RIPOR3: variants seen among roughly 807,000 people sequenced by gnomAD.
RIPOR3 encodes family with sequence similarity 65 member C.
A neutral mutation model predicts 114.3 loss-of-function variants in RIPOR3; 95 were observed. The observed-to-expected ratio is 0.83, with a 90% CI of 0.70 to 0.99. The LOEUF (loss-of-function observed/expected upper bound fraction) is 0.99. Ranked by LOEUF, RIPOR3 falls within the 50% of genes least tolerant of loss-of-function variation. RIPOR3 has a pLI of 0.00. For missense variants in RIPOR3, 1,252 were observed against 1,266.9 expected (o/e 0.99, Z 0.18); for synonymous variants, 575 against 543.8 (o/e 1.06, Z -0.80).
chr20:50,685,857 T>C (rs1451263922), intron 1 of RIPOR3, among the ~76,000 whole-genome samples: 1 of 150,294 alleles, frequency 6.7e-6, no homozygotes, highest in Non-Finnish European at 1.5e-5. Context: ...CTAGGACTTC[T>C]GTGATGTGGG....
At chr20:50,619,460 A>T (rs1365679805) in intron 3 of RIPOR3, among the ~76,000 whole-genome samples, 1 of 150,410 alleles carries the variant, frequency 6.6e-6, no homozygotes, top group Non-Finnish European at 1.5e-5. Flanking sequence ...AAAAAAAAAA[A>T]TTTGTGGAGT....
intron 1 of RIPOR3, among the ~76,000 whole-genome samples, chr20:50,672,641 C>G: frequency 6.6e-6 from 1 of 152,180 alleles, no homozygotes; most frequent in East Asian, 1.9e-4. Context: ...CTGGGGGCAA[C>G]AGGGACACAG....
intron 1 of RIPOR3, among the ~76,000 whole-genome samples, chr20:50,685,195 C>G (rs2086971983): frequency 6.7e-6 from 1 of 150,158 alleles, no homozygotes; most frequent in Non-Finnish European, 1.5e-5. Flanking sequence ...AAACTGAGCC[C>G]TTCTTGAGAG....
chr20:50,594,247 G>C (rs892105923), intron 17 of RIPOR3, among the ~76,000 whole-genome samples: 4 of 145,638 alleles, frequency 2.7e-5, no homozygotes, highest in African/African-American at 1.0e-4. Flanking sequence ...CAGCACTATA[G>C]CCTGGGCGAC....
intron 20 of RIPOR3, 148 bp downstream of exon 20, chr20:50,589,538 T>G (rs1002491974): frequency 5.1e-5 from 36 of 710,696 alleles, no homozygotes; most frequent in Non-Finnish European, 7.6e-5. Flanking sequence ...TCAGGTGATC[T>G]GCCTGCCTTG....
chr20:50,599,687 G>T (rs571372433), intron 13 of RIPOR3, among the ~76,000 whole-genome samples: 2 of 152,140 alleles, frequency 1.3e-5, no homozygotes, highest in South Asian at 4.1e-4. Flanking sequence ...GCAAAGCATT[G>T]CCTCGCTTGA....
At chr20:50,690,710 T>C (rs1367243273) in intron 1 of RIPOR3, among the ~76,000 whole-genome samples, 1 of 152,148 alleles carries the variant, frequency 6.6e-6, no homozygotes, top group African/African-American at 2.4e-5. Context: ...TCACTTCACT[T>C]CGCCCAGCTG....
intron 1 of RIPOR3, among the ~76,000 whole-genome samples, chr20:50,684,112 ACT>A (rs1369558566): frequency 6.6e-6 from 1 of 152,012 alleles, no homozygotes; most frequent in African/African-American, 2.4e-5. Flanking sequence ...CCTTCAGGAA[ACT>A]CACATTCCAG....
At chr20:50,663,812 G>T (rs1555872174) in intron 1 of RIPOR3, among the ~76,000 whole-genome samples, 1 of 151,998 alleles carries the variant, frequency 6.6e-6, no homozygotes, top group Non-Finnish European at 1.5e-5. Context: ...TCCCCAGAAG[G>T]AAAACACCTC....
chr20:50,686,063 T>C (rs1476263313), intron 1 of RIPOR3, among the ~76,000 whole-genome samples: 2 of 152,068 alleles, frequency 1.3e-5, no homozygotes, highest in South Asian at 2.1e-4. Flanking sequence ...GGCTCTTTCT[T>C]TGTTTTTTTT....
At chr20:50,588,550 T>C (rs1484986923) in intron 20 of RIPOR3, among the ~76,000 whole-genome samples, 1 of 152,154 alleles carries the variant, frequency 6.6e-6, no homozygotes, top group Non-Finnish European at 1.5e-5. Flanking sequence ...AAAATGCTCA[T>C]ATTCTCCGGT....
rs1568873626 is a variant in RIPOR3 at position 50,620,022 on chromosome 20, AC to A, written c.232del (p.Val78Ter). 1.2e-6 allele frequency: 2 copies of A among 1,613,310 alleles called. No individual in the cohort carries two copies. Among genetic ancestry groups the A allele is most frequent in the Non-Finnish European group, 1.7e-6 (2 of 1,179,406 alleles). On this transcript the variant is annotated frameshift_variant, in exon 3 of 22. Coordinates refer to ENST00000327979, the MANE Select transcript of RIPOR3 (RefSeq NM_001290268.2). LOFTEE classifies it high-confidence loss of function. ...SVCADPKPQQ[V>X]KKIFEALKRG... ...TTTCAATGCTTCGAAGATCTTCTTC[AC>A]CTGCTGGGGCTTCGGGTCTGCACAG...
At chr20:50,617,090 C>A (rs1044768604) in intron 3 of RIPOR3, among the ~76,000 whole-genome samples, 4 of 151,942 alleles carry the variant, frequency 2.6e-5, no homozygotes, top group African/African-American at 9.7e-5. Flanking sequence ...TGCAGTGAGC[C>A]GAGATTGCAC....
chr20:50,629,085 C>T (rs1053885059), intron 2 of RIPOR3, among the ~76,000 whole-genome samples: 4 of 152,064 alleles, frequency 2.6e-5, no homozygotes, highest in African/African-American at 9.7e-5. Context: ...GGAGCTCCAG[C>T]GGGAGGACAC....
At chr20:50,689,293 A>G (rs1461856229) in intron 1 of RIPOR3, among the ~76,000 whole-genome samples, 1 of 150,010 alleles carries the variant, frequency 6.7e-6, no homozygotes, top group Non-Finnish European at 1.5e-5. Flanking sequence ...CTCCTGCCTC[A>G]GCCTCCCAAG....
At position 50,691,129 on chromosome 20, in the gene RIPOR3, C is replaced by T. The variant is rs985429599; in HGVS notation, c.-1G>A. ...GGAGCAGTCACTTCACACTCACCAT[C>T]GAGCAGGTCTGGACACTCGAGTGCA... On this transcript the variant is annotated 5_prime_UTR_variant, in exon 1 of 22. Transcript: ENST00000327979. The T allele has an allele frequency of 8.3e-5, 107 of 1,289,378 alleles. No individual in the cohort carries two copies. The highest frequency in any genetic ancestry group is 1.1e-4 in the East Asian group (2 of 18,040). 79.9% of individuals were successfully genotyped at this position (1,289,378 alleles called of 1,614,324 possible). A position where few individuals can be genotyped will look rare whatever the true frequency, so the allele number is the denominator to read the frequency against.
intron 2 of RIPOR3, among the ~76,000 whole-genome samples, chr20:50,626,363 A>G (rs1446855025): frequency 1.3e-5 from 2 of 152,248 alleles, no homozygotes; most frequent in Admixed American, 6.5e-5. Flanking sequence ...GATGGGGGAC[A>G]GGAGGGGTCT....
At chr20:50,606,106 T>C (rs2083704420) in intron 11 of RIPOR3, among the ~76,000 whole-genome samples, 1 of 152,162 alleles carries the variant, frequency 6.6e-6, no homozygotes, top group South Asian at 2.1e-4. Context: ...CTTGAGAGGC[T>C]GAGGCTGGGG....
chr20:50,638,828 G>A (rs1363099243), intron 1 of RIPOR3, among the ~76,000 whole-genome samples: 1 of 152,168 alleles, frequency 6.6e-6, no homozygotes. Flanking sequence ...ATGAGGACAG[G>A]CAGGAGGGAC....
Sources: gnomAD v4.1 joint callset for allele counts (sites outside exome capture counted in the v4.1 genomes callset) on GRCh38, gnomAD v4.1.1 for gene constraint, MANE v1.5 for transcripts, NCBI Gene and HGNC (gene_info 2026-07-23, HGNC 2026-07-21) for gene names.